SLC25A48: variants seen among roughly 807,000 people sequenced by gnomAD.
The protein encoded by SLC25A48 is solute carrier family 25 member 48, also known as CTC-321K16.1.
In SLC25A48, 29 loss-of-function variants were observed where a neutral mutation model predicts 32.2. The observed-to-expected ratio is 0.90, with a 90% CI of 0.67 to 1.23. SLC25A48 has a LOEUF of 1.23. SLC25A48 is among the 50% of genes most tolerant of loss of function. The pLI, the probability that SLC25A48 is intolerant of heterozygous loss-of-function variation, is 0.00. For synonymous variants in SLC25A48, 164 were observed against 172.3 expected, an observed-to-expected ratio of 0.95 and a Z score of 0.38; for missense variants, 399 against 422.7, an observed-to-expected ratio of 0.94 and a Z score of 0.49.
At chr5:135,750,862 A>G (rs1755754259) in intron 3 of SLC25A48, among the ~76,000 whole-genome samples, 2 of 150,750 alleles carry the variant, frequency 1.3e-5, no homozygotes, top group Non-Finnish European at 3.0e-5. Flanking sequence ...TGACACAAGC[A>G]AAAACTTATA....
chr5:135,743,674 GTCC>G (rs1258317422), intron 3 of SLC25A48, among the ~76,000 whole-genome samples: 1 of 152,176 alleles, frequency 6.6e-6, no homozygotes, highest in Non-Finnish European at 1.5e-5. Flanking sequence ...CAACACTGCT[GTCC>G]TCCTCCCCAT....
chr5:135,691,356 T>C (rs1754139185), intron 3 of SLC25A48, among the ~76,000 whole-genome samples: 1 of 152,174 alleles, frequency 6.6e-6, no homozygotes, highest in Non-Finnish European at 1.5e-5. Flanking sequence ...GCACGGGTTG[T>C]ATGGGAGTCC....
chr5:135,762,016 G>A (rs890087730), intron 3 of SLC25A48, among the ~76,000 whole-genome samples: 1 of 152,188 alleles, frequency 6.6e-6, no homozygotes, highest in African/African-American at 2.4e-5. Context: ...GTCTGCCGAA[G>A]GAACGCATTG....
At chr5:135,702,836 G>A (rs1754423480) in intron 3 of SLC25A48, among the ~76,000 whole-genome samples, 1 of 152,208 alleles carries the variant, frequency 6.6e-6, no homozygotes. Context: ...GTGGAGCTGG[G>A]GCTTCCGGGA....
chr5:135,698,691 A>T (rs1285429293), intron 3 of SLC25A48, among the ~76,000 whole-genome samples: 1 of 152,212 alleles, frequency 6.6e-6, no homozygotes, highest in South Asian at 2.1e-4. Flanking sequence ...AAAAGAAACA[A>T]GAATAAACTG....
At chr5:135,595,066 G>T (rs1280636489) in intron 1 of SLC25A48, among the ~76,000 whole-genome samples, 1 of 152,164 alleles carries the variant, frequency 6.6e-6, no homozygotes, top group East Asian at 1.9e-4. Context: ...GCTAGGCCTA[G>T]GACACTGTCT....
At chr5:135,633,604 C>G (rs963735631) in intron 2 of SLC25A48, among the ~76,000 whole-genome samples, 2 of 152,066 alleles carry the variant, frequency 1.3e-5, no homozygotes, top group East Asian at 3.9e-4. Flanking sequence ...AAATACATTT[C>G]TGTTGTTTAA....
At chr5:135,587,564 C>T (rs114752329) in intron 1 of SLC25A48, among the ~76,000 whole-genome samples, 1,537 of 152,256 alleles carry the variant, frequency 0.01, 26 homozygotes, top group African/African-American at 0.035. Context: ...TGCTTTTAAT[C>T]AGTCTCTGGC....
chr5:135,887,894 A>C (rs1469650750), intron 7 of SLC25A48, 138 bp from the exon 8 acceptor site: 2 of 781,464 alleles, frequency 2.6e-6, no homozygotes, highest in African/African-American at 3.5e-5. Flanking sequence ...TTCCACAAGA[A>C]TCAAGTGCAA....
intron 3 of SLC25A48, among the ~76,000 whole-genome samples, chr5:135,672,435 G>C (rs1273154334): frequency 6.6e-6 from 1 of 152,182 alleles, no homozygotes; most frequent in Non-Finnish European, 1.5e-5. Flanking sequence ...TCCATCACCA[G>C]ACAGGTTAAA....
At chr5:135,885,973 G>T (rs559156848) in intron 7 of SLC25A48, among the ~76,000 whole-genome samples, 6 of 152,108 alleles carry the variant, frequency 3.9e-5, no homozygotes, top group African/African-American at 1.4e-4. Context: ...AATTATATGG[G>T]CATTGAAAAA....
intron 4 of SLC25A48, among the ~76,000 whole-genome samples, chr5:135,821,185 A>G (rs1370828125): frequency 6.6e-6 from 1 of 152,190 alleles, no homozygotes; most frequent in Non-Finnish European, 1.5e-5. Context: ...CCACATGGGA[A>G]CTTCCCTGGG....
chr5:135,673,936 G>C (rs188095160), intron 3 of SLC25A48, among the ~76,000 whole-genome samples: 66 of 151,080 alleles, frequency 4.4e-4, no homozygotes, highest in African/African-American at 1.6e-3. Context: ...CCCCCCCATG[G>C]TATTTGATTG....
At chr5:135,887,916 T>G (rs1762793156) in intron 7 of SLC25A48, 116 bp from the exon 8 acceptor site, 1 of 966,548 alleles carries the variant, frequency 1.0e-6, no homozygotes, top group South Asian at 1.6e-5. Context: ...AGTGTTTTTG[T>G]AAACTGTAAA....
upstream of SLC25A48, among the ~76,000 whole-genome samples, chr5:135,833,864 C>A (rs11242302): frequency 6.6e-6 from 1 of 152,052 alleles, no homozygotes; most frequent in Non-Finnish European, 1.5e-5. Context: ...TCATATTAAC[C>A]TGGATGACGT....
intron 3 of SLC25A48, among the ~76,000 whole-genome samples, chr5:135,789,060 A>G (rs548274650): frequency 6.6e-6 from 1 of 151,180 alleles, no homozygotes; most frequent in South Asian, 2.1e-4. Context: ...CCCATGCCAT[A>G]TGGTCTGTAA....
At chr5:135,769,048 GATA>G (rs895395455) in intron 3 of SLC25A48, among the ~76,000 whole-genome samples, 2 of 151,618 alleles carry the variant, frequency 1.3e-5, no homozygotes, top group African/African-American at 4.8e-5. Flanking sequence ...GGGGGAAGAG[GATA>G]ATATTACTCC....
chr5:135,840,701 A>G (rs140977679), intron 1 of SLC25A48, among the ~76,000 whole-genome samples: 15 of 152,320 alleles, frequency 9.8e-5, no homozygotes, highest in South Asian at 2.1e-4. Flanking sequence ...TTAATTTAGC[A>G]TAATGTTTTG....
intron 2 of SLC25A48, among the ~76,000 whole-genome samples, chr5:135,845,984 C>G (rs900195123): frequency 3.3e-5 from 5 of 152,196 alleles, no homozygotes; most frequent in Non-Finnish European, 5.9e-5. Flanking sequence ...ACTCCTATAC[C>G]GTACCAGTAC....
Sources: allele counts gnomAD v4.1 joint callset (sites outside exome capture counted in the v4.1 genomes callset), GRCh38; gene constraint gnomAD v4.1.1; transcripts MANE v1.5; gene names NCBI Gene and HGNC (gene_info 2026-07-23, HGNC 2026-07-21).